Variants in SPHKAP observed in about 807,000 individuals in gnomAD.
SPHKAP encodes A-kinase anchor protein SPHKAP.
Under a neutral mutation model 137.5 loss-of-function variants are expected in SPHKAP, and 67 were observed. The observed-to-expected ratio is 0.49, with a 90% confidence interval of 0.40 to 0.60. The LOEUF (loss-of-function observed/expected upper bound fraction) is 0.60. SPHKAP is among the 20% of genes least tolerant of loss of function. SPHKAP has a pLI of 0.00. For missense variants in SPHKAP, 2,097 were observed against 2,069.3 expected (o/e 1.01, Z -0.26); for synonymous variants, 813 against 785.3 (o/e 1.04, Z -0.59).
At chr2:228,099,509 C>A (rs1403539800) in intron 3 of SPHKAP, among the ~76,000 whole-genome samples, 1 of 151,968 alleles carries the variant, frequency 6.6e-6, no homozygotes, top group Non-Finnish European at 1.5e-5. Flanking sequence ...TATTCAGGCT[C>A]TTTTTTTGGT....
chr2:228,051,259 T>C (rs1696245945), intron 3 of SPHKAP, among the ~76,000 whole-genome samples: 1 of 152,234 alleles, frequency 6.6e-6, no homozygotes, highest in African/African-American at 2.4e-5. Context: ...AACTTGTTTT[T>C]ATTGATTTAA....
chr2:227,991,813 T>A, intron 9 of SPHKAP: 1 of 541,878 alleles, frequency 1.8e-6, no homozygotes, highest in Non-Finnish European at 2.4e-6. Flanking sequence ...TTTACATGTA[T>A]ATGGTTATTT....
chr2:228,039,372 A>G (rs979717647), intron 3 of SPHKAP, among the ~76,000 whole-genome samples: 6 of 152,208 alleles, frequency 3.9e-5, no homozygotes, highest in Non-Finnish European at 7.3e-5. Flanking sequence ...TATGATTTTG[A>G]CTTTAATAAA....
intron 3 of SPHKAP, among the ~76,000 whole-genome samples, chr2:228,067,277 A>G (rs1358996813): frequency 1.3e-5 from 2 of 152,268 alleles, no homozygotes; most frequent in Admixed American, 1.3e-4. Context: ...TGCTAAAAAC[A>G]CTGATGACTG....
chr2:228,034,639 T>C (rs377708064), intron 3 of SPHKAP, among the ~76,000 whole-genome samples: 24 of 152,012 alleles, frequency 1.6e-4, no homozygotes, highest in African/African-American at 3.1e-4. Context: ...CAATAAAATA[T>C]TGGCAAACCG....
chr2:228,028,055 G>A, intron 3 of SPHKAP: 1 of 984,966 alleles, frequency 1.0e-6, no homozygotes, highest in Non-Finnish European at 1.2e-6. Context: ...GCTTCCCACT[G>A]GTCACAACAA....
At chr2:228,179,300 G>A (rs189592860) in intron 1 of SPHKAP, among the ~76,000 whole-genome samples, 37 of 152,240 alleles carry the variant, frequency 2.4e-4, no homozygotes, top group African/African-American at 8.9e-4. Context: ...TGGTTTCTTC[G>A]AAAAGCTTAT....
intron 3 of SPHKAP, among the ~76,000 whole-genome samples, chr2:228,070,819 G>T (rs187469102): frequency 2.0e-5 from 3 of 151,890 alleles, no homozygotes; most frequent in African/African-American, 7.3e-5. Flanking sequence ...CCTTTCCATC[G>T]CATACCGTGT....
At chr2:228,048,972 G>A (rs1386373234) in intron 3 of SPHKAP, among the ~76,000 whole-genome samples, 1 of 152,104 alleles carries the variant, frequency 6.6e-6, no homozygotes. Context: ...AGCAACACGC[G>A]ATTGCACTGA....
At chr2:228,107,827 A>G (rs1264324353) in intron 3 of SPHKAP, among the ~76,000 whole-genome samples, 1 of 152,184 alleles carries the variant, frequency 6.6e-6, no homozygotes, top group Non-Finnish European at 1.5e-5. Flanking sequence ...CTAGCCAGCA[A>G]CTAATTTTCT....
At position 228,105,025 on chromosome 2, in the gene SPHKAP, G is replaced by A. The variant is rs139807679; in HGVS notation, c.246+3807C>T. 5.7e-3 allele frequency among the ~76,000 whole-genome samples: 869 copies of A among 152,220 alleles called. 13 individuals carry two copies. Among genetic ancestry groups the A allele is most frequent in the African/African-American group, 0.019 (808 of 41,532 alleles). On this transcript the variant is annotated intron_variant, in intron 3 of 11. Coordinates refer to ENST00000392056, the MANE Select transcript of SPHKAP (RefSeq NM_001142644.2). The stretch of plus-strand genomic sequence containing the variant: ...ACTCTGTTACTCAGACTGGAGTGAG[G>A]TAGTGGGATCATAGCTAACTGCAGC...
intron 2 of SPHKAP, among the ~76,000 whole-genome samples, chr2:228,128,108 C>T (rs1481665764): frequency 6.6e-6 from 1 of 152,128 alleles, no homozygotes; most frequent in Non-Finnish European, 1.5e-5. Flanking sequence ...CAATGAACGT[C>T]GCCACATTGA....
At position 228,096,436 on chromosome 2, in the gene SPHKAP, C is replaced by T. The variant is rs182972432; in HGVS notation, c.246+12396G>A. 1.5e-3 allele frequency among the ~76,000 whole-genome samples: 228 copies of T among 152,188 alleles called. 2 individuals carry two copies. Among genetic ancestry groups the T allele is most frequent in the Non-Finnish European group, 7.4e-4 (50 of 68,000 alleles). On this transcript the variant is annotated intron_variant, in intron 3 of 11. Coordinates refer to ENST00000392056, the MANE Select transcript of SPHKAP (RefSeq NM_001142644.2). Reference sequence around the variant, plus strand: ...TGGTTCCAGAACAAAACCACCACCCCGACAAGCCCCTCTCCCTGCCCTTGA... The same window carrying T: ...TGGTTCCAGAACAAAACCACCACCCTGACAAGCCCCTCTCCCTGCCCTTGA...
chr2:228,050,049 T>TA (rs1278245797), intron 3 of SPHKAP, among the ~76,000 whole-genome samples: 1 of 151,862 alleles, frequency 6.6e-6, no homozygotes, highest in Non-Finnish European at 1.5e-5. Context: ...AGACACTTCT[T>TA]AAAAAAACAC....
chr2:228,080,538 T>C (rs527289486), intron 3 of SPHKAP, among the ~76,000 whole-genome samples: 19 of 152,124 alleles, frequency 1.2e-4, no homozygotes, highest in African/African-American at 4.6e-4. Flanking sequence ...AAACCCCATC[T>C]CTACTAAAAG....
In SPHKAP at chr2:228,017,329, A is replaced by G. The variant is rs776811752; in HGVS notation, c.3525T>C (p.Ser1175=). 2.5e-6 allele frequency: 4 copies of G among 1,613,826 alleles called. No individual in the cohort carries two copies. The highest frequency in any genetic ancestry group is 3.4e-6 in the Non-Finnish European group (4 of 1,179,902). Reference sequence around the variant, plus strand: ...GCTTAGAGGGACAGCTAGGCCTCACACTGAGGTGGTCACTTTTCCGGCACG... The same window carrying G: ...GCTTAGAGGGACAGCTAGGCCTCACGCTGAGGTGGTCACTTTTCCGGCACG... ...QQACRKSDHL[S]VRPSCPSKQS... The change falls in exon 7 of 12, where the codon AGT becomes AGC. Residue 1175 remains serine, a synonymous_variant. Coordinates refer to ENST00000392056, the MANE Select transcript of SPHKAP (RefSeq NM_001142644.2).
At chr2:228,047,194 A>G (rs1696092146) in intron 3 of SPHKAP, among the ~76,000 whole-genome samples, 2 of 152,212 alleles carry the variant, frequency 1.3e-5, no homozygotes, top group Non-Finnish European at 2.9e-5. Context: ...GGCCAGGTGC[A>G]GTGGCTAATG....
chr2:228,177,085 G>A (rs1024173751), intron 1 of SPHKAP, among the ~76,000 whole-genome samples: 2 of 116,522 alleles, frequency 1.7e-5, no homozygotes, highest in Non-Finnish European at 3.7e-5. Flanking sequence ...ATGATTGTAA[G>A]GACCCATTTA....
intron 1 of SPHKAP, among the ~76,000 whole-genome samples, chr2:228,166,837 C>G (rs372239961): frequency 6.6e-6 from 1 of 152,048 alleles, no homozygotes; most frequent in Non-Finnish European, 1.5e-5. Context: ...CACAGTTCTG[C>G]GGGATGTACA....
Sources: allele counts gnomAD v4.1 joint callset (sites outside exome capture counted in the v4.1 genomes callset), GRCh38; gene constraint gnomAD v4.1.1; transcripts MANE v1.5; gene names NCBI Gene and HGNC (gene_info 2026-07-23, HGNC 2026-07-21).